The following C1QBP variants were observed in gnomAD, a reference collection of about 807,000 sequenced individuals.
C1QBP encodes complement C1q binding protein.
In C1QBP, 24 loss-of-function variants were observed where a neutral mutation model predicts 29.4. That is an observed-to-expected ratio of 0.82 (90% CI 0.59 to 1.15). The LOEUF (loss-of-function observed/expected upper bound fraction) is 1.15, where lower values mean the gene tolerates loss of function less well. Ranked by LOEUF, C1QBP falls within the 50% of genes most tolerant of loss-of-function variation. C1QBP has a pLI of 0.00. For synonymous variants in C1QBP, 182 were observed against 149.2 expected (o/e 1.22, Z -1.60); for missense variants, 337 against 355.8 (o/e 0.95, Z 0.43).
In C1QBP at chr17:5,438,882, G is replaced by A; in HGVS notation, c.192C>T (p.Pro64=). The A allele has an allele frequency of 6.5e-7, 1 of 1,543,058 alleles. No individual in the cohort carries two copies. The highest frequency in any genetic ancestry group is 2.5e-5 in the East Asian group (1 of 40,140). Residue 64 remains proline, a synonymous_variant, in exon 1 of 6, where the codon CCC becomes CCT. Coordinates refer to ENST00000225698, the MANE Select transcript of C1QBP (RefSeq NM_001212.4). ...AGCCGCAGCCACAGCCACAGGCGCA[G>A]GGTCCGCGAGGCCGCAGGAGGCCCG... ...RRPGLLRPRG[P]CACGCGCGSL... is the part of the protein sequence containing the mutation.
At chr17:5,437,479 G>C (rs1916304948) in intron 2 of C1QBP, among the ~76,000 whole-genome samples, 1 of 152,178 alleles carries the variant, frequency 6.6e-6, no homozygotes, top group African/African-American at 2.4e-5. Context: ...TGGGACTACA[G>C]GCACGTGCCA....
At position 5,433,625 on chromosome 17, in the gene C1QBP, T is replaced by C. The variant is rs764127748; in HGVS notation, c.576+44A>G. On this transcript the variant is annotated intron_variant, in intron 4 of 5. Transcript: ENST00000225698. ...GACAGGAAGTTCCCAAGGGACACAC[T>C]GTTCCCCAGGGGTGCCAAGAGGCTA... 1.1e-5 allele frequency: 17 copies of C among 1,587,706 alleles called. No homozygotes were observed. In the South Asian group the frequency reaches 1.8e-4, roughly 16 times the overall value.
chr17:5,433,719 CATT>C lies in C1QBP; in HGVS notation c.523_525del (p.Asn175del), dbSNP rs1916175258. ...AACACAAGGGCCTTCTTGCCATCAT[CATT>C]CTTTATAACTTCAACCACGAAATTG... On this transcript the variant is annotated inframe_deletion, in exon 4 of 6. Transcript: ENST00000225698. 2 of 1,614,106 alleles carry C rather than the reference CATT, an allele frequency of 1.2e-6. No homozygotes were observed. The highest frequency in any genetic ancestry group is 2.7e-5 in the African/African-American group (2 of 74,936).
chr17:5,434,461 TCTC>T (rs796480985), intron 3 of C1QBP, among the ~76,000 whole-genome samples: 7 of 124,334 alleles, frequency 5.6e-5, no homozygotes, highest in South Asian at 2.9e-4. Flanking sequence ...CCATTCTCTC[TCTC>T]TTTTTTTTTT....
chr17:5,434,773 A>AT (rs59609565), intron 3 of C1QBP, 100 bp downstream of exon 3: 16,897 of 913,184 alleles, frequency 0.019, no homozygotes, highest in Non-Finnish European at 0.022. Context: ...ACTTAGAGGA[A>AT]TTTTTTTTTT....
chr17:5,438,317 CTAAAACA>C, intron 1 of C1QBP, 44 bp from the exon 2 acceptor site: 1 of 1,600,218 alleles, frequency 6.2e-7, no homozygotes, highest in Non-Finnish European at 8.5e-7. Flanking sequence ...GCCAGTTAGT[CTAAAACA>C]TAAAACTATT....
intron 2 of C1QBP, among the ~76,000 whole-genome samples, chr17:5,437,606 C>G (rs1396628621): frequency 1.3e-5 from 2 of 152,214 alleles, no homozygotes; most frequent in Non-Finnish European, 2.9e-5. Flanking sequence ...CCACCGCGCC[C>G]AGGCTCAATT....
At position 5,434,891 on chromosome 17, in the gene C1QBP, C is replaced by T. The variant is rs765294552; in HGVS notation, c.459G>A (p.Gln153=). The change falls in exon 3 of 6, where the codon CAG becomes CAA. Residue 153 remains glutamine, a synonymous_variant. Transcript: ENST00000225698. ...FDGEEEPSQG[Q]KVEEQEPELT... is the part of the protein sequence containing the mutation. ...AGCTTACCTCCTGTTCTTCAACCTT[C>T]TGCCCTTGCGAGGGTTCCTCCTCAC... 3.8e-5 allele frequency: 62 copies of T among 1,613,596 alleles called. 1 individual carries two copies. In the South Asian group the frequency reaches 6.4e-4, roughly 17 times the overall value.
rs1916360061 is a variant in C1QBP at position 5,439,150 on chromosome 17, G to A, written c.-77C>T. Reference sequence around the variant, plus strand: ...GCGCCCCGCGACCTGAGGCGCCGCCGGAAGCCCCGCCCCTGCCCGGAAGCG... The same window carrying A: ...GCGCCCCGCGACCTGAGGCGCCGCCAGAAGCCCCGCCCCTGCCCGGAAGCG... On this transcript the variant is annotated 5_prime_UTR_variant, in exon 1 of 6. Transcript: ENST00000225698. 35 of 1,518,476 alleles carry A rather than the reference G, an allele frequency of 2.3e-5. No homozygotes were observed. Among genetic ancestry groups the A allele is most frequent in the Non-Finnish European group, 2.9e-5 (33 of 1,131,200 alleles). 94.1% of individuals were successfully genotyped at this position (1,518,476 alleles called of 1,614,324 possible). A position where few individuals can be genotyped will look rare whatever the true frequency, so the allele number is the denominator to read the frequency against.
Position 5,438,941 on chromosome 17 carries a change from G to A in C1QBP, c.133C>T (p.Leu45=), listed in dbSNP as rs1916348408. ...APRLCTRPFG[L]LSVRAGSERR... ...TCGGAACCTGCGCGCACGCTGAGCA[G>A]CCCGAAGGGCCGGGTGCACAGCCGG... Residue 45 remains leucine, a synonymous_variant, in exon 1 of 6, where the codon CTG becomes TTG. Transcript: ENST00000225698. The A allele has an allele frequency of 6.6e-7, 1 of 1,524,852 alleles. No homozygotes were observed. Among genetic ancestry groups the A allele is most frequent in the African/African-American group, 1.4e-5 (1 of 69,782 alleles). The allele number at this position is 1,524,852 out of a possible 1,614,324, so 94.5% of individuals were successfully genotyped here. A position where few individuals can be genotyped will look rare whatever the true frequency, so the allele number is the denominator to read the frequency against.
intron 3 of C1QBP, 155 bp downstream of exon 3, chr17:5,434,718 G>T: frequency 1.8e-6 from 1 of 546,156 alleles, no homozygotes; most frequent in South Asian, 2.4e-5. Context: ...TGCCCGTCTC[G>T]GCCTCCCAAA....
Position 5,438,140 on chromosome 17 carries a change from C to G in C1QBP, c.366G>C (p.Arg122=), listed in dbSNP as rs1916325308. 1 of 1,612,252 alleles carries G rather than the reference C, an allele frequency of 6.2e-7. No homozygotes were observed. The highest frequency in any genetic ancestry group is 1.3e-5 in the African/African-American group (1 of 74,878). The change falls in exon 2 of 6, where the codon CGG becomes CGC. Residue 122 remains arginine, a synonymous_variant. Transcript: ENST00000225698. Reference sequence around the variant, plus strand: ...GTACTTACTTTTCCCCGGCAACTTTCCGCACTAATTTCGCTTCTGTCCCAT... The same window carrying G: ...GTACTTACTTTTCCCCGGCAACTTTGCGCACTAATTTCGCTTCTGTCCCAT... ...ELNGTEAKLV[R]KVAGEKITVT...
chr17:5,434,948 G>A lies in C1QBP; in HGVS notation c.402C>T (p.Asn134=). 1 of 1,614,098 alleles carries A rather than the reference G, an allele frequency of 6.2e-7. No homozygotes were observed. Residue 134 remains asparagine, a synonymous_variant, in exon 3 of 6, where the codon AAC becomes AAT. Coordinates refer to ENST00000225698, the MANE Select transcript of C1QBP (RefSeq NM_001212.4). ...VAGEKITVTF[N]INNSIPPTFD... ...ATGTTGGTGGGATGCTGTTGTTAAT[G>A]TTGAAAGTGACCGTGATTCTAAAAC...
chr17:5,438,629 CTAGTATT>C (rs1916337560), intron 1 of C1QBP: 1 of 1,002,400 alleles, frequency 1.0e-6, no homozygotes, highest in African/African-American at 1.7e-5. Flanking sequence ...AAAAGGTACC[CTAGTATT>C]TAATTTTATT....
At chr17:5,434,439 CTT>C (rs1416202334) in intron 3 of C1QBP, among the ~76,000 whole-genome samples, 1 of 145,934 alleles carries the variant, frequency 6.9e-6, no homozygotes, top group African/African-American at 2.5e-5. Flanking sequence ...GTTAAAGTCT[CTT>C]ATGCCCCTGC....
At chr17:5,433,265 AG>A (rs1916151790) in intron 5 of C1QBP, 27 bp downstream of exon 5, 1 of 1,613,700 alleles carries the variant, frequency 6.2e-7, no homozygotes, top group African/African-American at 1.3e-5. Flanking sequence ...AAGGCCCAAA[AG>A]GTTCCCCCAC....
In C1QBP at chr17:5,439,131, C is replaced by G; in HGVS notation, c.-58G>C. On this transcript the variant is annotated 5_prime_UTR_variant, in exon 1 of 6. Transcript: ENST00000225698. Reference sequence around the variant, plus strand: ...AAGGACAACCCAGGCCTAGGCGCCCCGCGACCTGAGGCGCCGCCGGAAGCC... The same window carrying G: ...AAGGACAACCCAGGCCTAGGCGCCCGGCGACCTGAGGCGCCGCCGGAAGCC... The G allele has an allele frequency of 2.6e-6, 4 of 1,530,948 alleles. No homozygotes were observed. The highest frequency in any genetic ancestry group is 1.2e-5 in the South Asian group (1 of 83,258). 94.8% of individuals were successfully genotyped at this position (1,530,948 alleles called of 1,614,324 possible).
intron 2 of C1QBP, among the ~76,000 whole-genome samples, chr17:5,436,348 G>A (rs1233592236): frequency 1.3e-5 from 2 of 151,324 alleles, no homozygotes; most frequent in African/African-American, 2.5e-5. Flanking sequence ...CAACAGGCAA[G>A]AGAATCAGGA....
At chr17:5,435,740 T>C (rs1217252019) in intron 2 of C1QBP, among the ~76,000 whole-genome samples, 6 of 150,892 alleles carry the variant, frequency 4.0e-5, no homozygotes, top group Admixed American at 4.0e-4. Context: ...CACACAAGAG[T>C]ACATGAAGGC....
Sources: allele counts gnomAD v4.1 joint callset (sites outside exome capture counted in the v4.1 genomes callset), GRCh38; gene constraint gnomAD v4.1.1; transcripts MANE v1.5; gene names NCBI Gene and HGNC (gene_info 2026-07-23, HGNC 2026-07-21).